MRPL43: variants seen among roughly 807,000 people sequenced by gnomAD.
The protein encoded by MRPL43 is large ribosomal subunit protein mL43.
MRPL43 carries 9 observed loss-of-function variants against 12.7 expected under a neutral mutation model. That is an observed-to-expected ratio of 0.71 (90% CI 0.43 to 1.24). The LOEUF is 1.24. Among genes scored for constraint, MRPL43 ranks in the 50% most tolerant of loss-of-function variants. The probability of loss-of-function intolerance (pLI) is 0.00; values close to 1 mark genes in which losing one functional copy is unlikely to be tolerated. For missense variants in MRPL43, 211 were observed against 229.2 expected, an observed-to-expected ratio of 0.92 and a Z score of 0.51; for synonymous variants, 116 against 96.4, an observed-to-expected ratio of 1.20 and a Z score of -1.19.
downstream of MRPL43, among the ~76,000 whole-genome samples, chr10:100,979,627 C>T (rs1405275656): frequency 7.2e-5 from 11 of 152,158 alleles, no homozygotes; most frequent in East Asian, 1.9e-4. Flanking sequence ...GTGATCTGCT[C>T]GCCTCGGCCT....
At chr10:100,984,307 T>C (rs962745699), downstream of MRPL43, 4 of 1,438,890 alleles carry the variant, frequency 2.8e-6, no homozygotes, top group South Asian at 4.5e-5. Flanking sequence ...CCCTCCTCAG[T>C]CTCCACAGAC....
At chr10:100,979,088 C>T (rs1022071364), downstream of MRPL43, 3 of 1,613,716 alleles carry the variant, frequency 1.9e-6, no homozygotes, top group Non-Finnish European at 2.5e-6. Context: ...TATCCCGTGC[C>T]TCTACCTCCC....
At chr10:100,983,647 T>C (rs752430522), downstream of MRPL43, 1 of 1,613,716 alleles carries the variant, frequency 6.2e-7, no homozygotes, top group Non-Finnish European at 8.5e-7. Flanking sequence ...CTGCTCTATG[T>C]GCTAGCCATT....
chr10:100,978,939 G>T (rs775552640), downstream of MRPL43: 13 of 1,614,192 alleles, frequency 8.1e-6, no homozygotes, highest in Non-Finnish European at 1.1e-5. Flanking sequence ...TTCACGGAGC[G>T]TGCCACTGAG....
chr10:100,981,639 A>C, downstream of MRPL43: 10 of 1,431,720 alleles, frequency 7.0e-6, no homozygotes, highest in Non-Finnish European at 9.7e-6. Context: ...GCATGATGTC[A>C]TCTACTGTCA....
downstream of MRPL43, among the ~76,000 whole-genome samples, chr10:100,982,657 TGGCATATGCCTGTAATCCCAGCTAC>T (rs1851156072): frequency 6.6e-6 from 1 of 152,184 alleles, no homozygotes. Flanking sequence ...CTGGGCATGG[TGGCATATGCCTGTAATCCCAGCTAC>T]TCAGGAGCCA....
downstream of MRPL43, chr10:100,979,952 G>T: frequency 6.2e-7 from 1 of 1,614,104 alleles, no homozygotes; most frequent in East Asian, 2.2e-5. Context: ...CGGCGCTGGG[G>T]TCGCTATGAG....
chr10:100,987,043 G>A (rs1405604705), intron 2 of MRPL43, 47 bp downstream of exon 2: 1 of 1,608,662 alleles, frequency 6.2e-7, no homozygotes, highest in East Asian at 2.2e-5. Context: ...AGGATAGCGG[G>A]TCGAGCCCCT....
chr10:100,977,980 T>G (rs974705374), downstream of MRPL43: 14 of 572,876 alleles, frequency 2.4e-5, no homozygotes, highest in East Asian at 4.1e-4. Context: ...CAAACTTCAT[T>G]TAACCCAAAA....
chr10:100,979,044 G>A (rs183970729), downstream of MRPL43: 171 of 1,612,738 alleles, frequency 1.1e-4, no homozygotes, highest in East Asian at 2.3e-3. Flanking sequence ...GTTGGGGCAC[G>A]GGTATAGAGG....
At chr10:100,979,359 G>A (rs140083755), downstream of MRPL43, 1,422 of 1,606,996 alleles carry the variant, frequency 8.8e-4, 2 homozygotes, top group Non-Finnish European at 1.1e-3. Context: ...AGGATCCACT[G>A]TGGGGAGGTC....
chr10:100,978,477 G>A (rs752390993), downstream of MRPL43: 16 of 1,591,384 alleles, frequency 1.0e-5, no homozygotes, highest in Admixed American at 2.5e-4. Flanking sequence ...TATGTCATGT[G>A]CCCTGTTGAA....
downstream of MRPL43, among the ~76,000 whole-genome samples, chr10:100,982,212 G>A (rs1851121630): frequency 6.6e-6 from 1 of 152,058 alleles, no homozygotes; most frequent in African/African-American, 2.4e-5. Context: ...CATGCAAGCA[G>A]AGGGAGCAGC....
In MRPL43 at chr10:100,986,618, G is replaced by A. The variant is rs1202929860; in HGVS notation, c.*116C>T. The A allele has an allele frequency of 1.2e-6, 2 of 1,613,170 alleles. No individual in the cohort carries two copies. The highest frequency in any genetic ancestry group is 1.1e-5 in the South Asian group (1 of 91,006). On this transcript the variant is annotated 3_prime_UTR_variant, in exon 3 of 3. Transcript: ENST00000318364. ...CTTCATTATCCCAAGCAGAACCTCT[G>A]TCAACTTGCCCATTGATGGGTTCCA...
At chr10:100,983,857 G>T, downstream of MRPL43, 1 of 1,582,248 alleles carries the variant, frequency 6.3e-7, no homozygotes, top group East Asian at 2.3e-5. Context: ...GGGGCTGGGG[G>T]CCTGGAGGGC....
At chr10:100,980,955 G>A, downstream of MRPL43, 1 of 1,607,484 alleles carries the variant, frequency 6.2e-7, no homozygotes, top group South Asian at 1.1e-5. Context: ...ACCCATGCCT[G>A]CGCAGCAGCC....
downstream of MRPL43, chr10:100,980,065 G>A: frequency 5.6e-6 from 9 of 1,613,082 alleles, no homozygotes; most frequent in Non-Finnish European, 7.6e-6. Flanking sequence ...TGGCCTTGTG[G>A]AGAGGGCAGG....
At chr10:100,983,047 A>G (rs1406618718), downstream of MRPL43, among the ~76,000 whole-genome samples, 1 of 152,266 alleles carries the variant, frequency 6.6e-6, no homozygotes, top group Non-Finnish European at 1.5e-5. Flanking sequence ...AGTTACTGGC[A>G]GATGGCAGAA....
downstream of MRPL43, chr10:100,984,102 G>A (rs375024485): frequency 3.7e-5 from 60 of 1,612,668 alleles, no homozygotes; most frequent in Middle Eastern, 1.6e-4. Flanking sequence ...CACGCAGCTC[G>A]TGGAGCAGCT....
Sources: gnomAD v4.1 joint callset for allele counts (sites outside exome capture counted in the v4.1 genomes callset) on GRCh38, gnomAD v4.1.1 for gene constraint, MANE v1.5 for transcripts, NCBI Gene and HGNC (gene_info 2026-07-23, HGNC 2026-07-21) for gene names.